AKR1B15: variants seen among roughly 807,000 people sequenced by gnomAD.
The protein encoded by AKR1B15 is estradiol 17-beta-dehydrogenase AKR1B15.
AKR1B15 carries 49 observed loss-of-function variants against 38.5 expected under a neutral mutation model. The observed-to-expected ratio is 1.27, with a 90% CI of 1.01 to 1.62. The LOEUF is 1.62. Ranked by LOEUF, AKR1B15 falls within the 40% of genes most tolerant of loss-of-function variation. The pLI is 0.00. For missense variants in AKR1B15, 411 were observed against 381.6 expected (o/e 1.08, Z -0.64); for synonymous variants, 137 against 135.5 (o/e 1.01, Z -0.08).
rs553498806 is a variant in AKR1B15, at chr7:134,564,558, C to T, written c.-22-40C>T. ...ATCTTGCTATTACTCACCTTTGGGC[C>T]CTGTATTTTTAACCTCCTTGTCAAA... On this transcript the variant is annotated intron_variant, in intron 2 of 11. Transcript: ENST00000457545. 5.6e-4 allele frequency: 371 copies of T among 662,804 alleles called. 2 individuals carry two copies. The highest frequency in any genetic ancestry group is 4.4e-5 in the Non-Finnish European group (16 of 365,070). 41.1% of individuals were successfully genotyped at this position (662,804 alleles called of 1,614,324 possible).
At chr7:134,560,599 G>A (rs1056177962) in intron 2 of AKR1B15, among the ~76,000 whole-genome samples, 5 of 152,112 alleles carry the variant, frequency 3.3e-5, no homozygotes, top group African/African-American at 1.2e-4. Flanking sequence ...GTTCTAGAAG[G>A]AATATTTTTA....
intron 1 of AKR1B15, among the ~76,000 whole-genome samples, chr7:134,553,056 C>A (rs1199412947): frequency 6.6e-6 from 1 of 152,050 alleles, no homozygotes; most frequent in African/African-American, 2.4e-5. Flanking sequence ...GAAGGCCCAG[C>A]TTTTTCTTCC....
rs185101898 is a variant in AKR1B15 at position 134,564,913 on chromosome 7, A to G, written c.150+144A>G. ...CTTTTCTGTCTAGCTAGAGGATTGT[A>G]AATGCACCAATCAGTGCTCTGTGTC... On this transcript the variant is annotated intron_variant, in intron 3 of 11. Transcript: ENST00000457545. 531 of 504,676 alleles carry G rather than the reference A, an allele frequency of 1.1e-3. 4 individuals carry two copies. In the Middle Eastern group the frequency reaches 0.012, roughly 11 times the overall value. 31.3% of individuals were successfully genotyped at this position (504,676 alleles called of 1,614,324 possible).
intron 6 of AKR1B15, chr7:134,573,397 G>A: frequency 1.0e-6 from 1 of 985,396 alleles, no homozygotes; most frequent in Non-Finnish European, 1.2e-6. Context: ...TGGCAAGTAT[G>A]TCAATGTACC....
rs751823205 is a variant in AKR1B15, at chr7:134,571,600, A to G, written c.436-4A>G. 15 of 1,611,770 alleles carry G rather than the reference A, an allele frequency of 9.3e-6. No individual in the cohort carries two copies. Among genetic ancestry groups the G allele is most frequent in the Non-Finnish European group, 1.2e-5 (14 of 1,178,180 alleles). Reference sequence around the variant, plus strand: ...CCAGTAAACTTTTCATTCTGTATTTACAGACTGGGGATGACTTTTTCCCCA... The same window carrying G: ...CCAGTAAACTTTTCATTCTGTATTTGCAGACTGGGGATGACTTTTTCCCCA... On this transcript the variant is annotated splice_polypyrimidine_tract_variant and splice_region_variant and intron_variant, in intron 5 of 11. Transcript: ENST00000457545.
intron 2 of AKR1B15, among the ~76,000 whole-genome samples, chr7:134,563,523 G>T (rs1418240968): frequency 3.3e-5 from 5 of 152,164 alleles, no homozygotes; most frequent in African/African-American, 1.2e-4. Flanking sequence ...ACTCCAGCCT[G>T]GGCATCAGAG....
Position 134,579,623 on chromosome 7 carries a change from C to A in AKR1B15, c.*74C>A. 1 of 1,350,914 alleles carries A rather than the reference C, an allele frequency of 7.4e-7. No individual in the cohort carries two copies. Among genetic ancestry groups the A allele is most frequent in the African/African-American group, 1.5e-5 (1 of 67,058 alleles). 83.7% of individuals were successfully genotyped at this position (1,350,914 alleles called of 1,614,324 possible). A position where few individuals can be genotyped will look rare whatever the true frequency, so the allele number is the denominator to read the frequency against. On this transcript the variant is annotated 3_prime_UTR_variant, in exon 12 of 12. Transcript: ENST00000457545. ...AAGTGTGACTGTCTCCACTCAAGAA[C>A]TATTTTAGCCAAGCTTATCTGAGAT...
At chr7:134,575,711 C>T (rs2347379) in intron 7 of AKR1B15, 110 bp from the exon 8 acceptor site, 9 of 1,585,172 alleles carry the variant, frequency 5.7e-6, no homozygotes, top group East Asian at 4.5e-5. Context: ...AATCTCAGTG[C>T]GCACTTGTTT....
intron 1 of AKR1B15, among the ~76,000 whole-genome samples, chr7:134,549,548 A>G (rs1793893078): frequency 6.6e-6 from 1 of 152,152 alleles, no homozygotes; most frequent in Admixed American, 6.5e-5. Context: ...CTCCAGGGTG[A>G]AAGCTAGGGA....
At chr7:134,565,965 G>A (rs966391397) in intron 3 of AKR1B15, among the ~76,000 whole-genome samples, 13 of 152,130 alleles carry the variant, frequency 8.5e-5, no homozygotes, top group African/African-American at 2.9e-4. Context: ...TGGGACTTGG[G>A]CTAGCAGCAT....
rs1454986315 is a variant in AKR1B15 at position 134,556,850 on chromosome 7, A to G, written c.-32A>G. On this transcript the variant is annotated 5_prime_UTR_variant, in exon 2 of 12. Transcript: ENST00000457545. ...AAGGAGAAACTGGACTAATATCACT[A>G]TCTCAACAGGTAGATGCTGATTTAA... The G allele has an allele frequency of 6.6e-6, 1 of 152,196 alleles. No individual in the cohort carries two copies. Among genetic ancestry groups the G allele is most frequent in the African/African-American group, 2.4e-5 (1 of 41,440 alleles). The allele number at this position is 152,196 out of a possible 1,614,324, so 9.4% of individuals were successfully genotyped here.
chr7:134,566,572 C>T (rs1435328649), intron 3 of AKR1B15, among the ~76,000 whole-genome samples: 1 of 152,190 alleles, frequency 6.6e-6, no homozygotes, highest in Non-Finnish European at 1.5e-5. Flanking sequence ...CTGCCTCCCT[C>T]TGCCTTCTTT....
intron 9 of AKR1B15, 139 bp downstream of exon 9, chr7:134,576,569 T>C: frequency 9.6e-7 from 1 of 1,036,406 alleles, no homozygotes; most frequent in South Asian, 1.6e-5. Flanking sequence ...TCCTTTGAAG[T>C]CTGTTGGAAC....
intron 2 of AKR1B15, among the ~76,000 whole-genome samples, chr7:134,561,433 T>C (rs1794388068): frequency 2.0e-5 from 3 of 152,314 alleles, no homozygotes; most frequent in South Asian, 4.2e-4. Context: ...TTTCAAACAC[T>C]TGAGCTCAAG....
chr7:134,565,269 C>T (rs920096218), intron 3 of AKR1B15: 29 of 739,716 alleles, frequency 3.9e-5, no homozygotes, highest in Non-Finnish European at 5.9e-5. Context: ...GTCAGCGACA[C>T]CACAAACCCA....
intron 2 of AKR1B15, among the ~76,000 whole-genome samples, chr7:134,562,895 T>TTTCTTTCTTTCTTTCTTCCC (rs1562947153): frequency 7.1e-6 from 1 of 140,774 alleles, no homozygotes; most frequent in African/African-American, 2.8e-5. Flanking sequence ...TCTTTCCTTC[T>TTTCTTTCTTTCTTTCTTCCC]TTCTTCCTTC....
At chr7:134,564,215 C>T (rs1276671786) in intron 2 of AKR1B15, among the ~76,000 whole-genome samples, 2 of 152,178 alleles carry the variant, frequency 1.3e-5, no homozygotes, top group East Asian at 3.9e-4. Flanking sequence ...CTATCACACA[C>T]TCTCAAAGGA....
At chr7:134,575,706 C>T in intron 7 of AKR1B15, 115 bp from the exon 8 acceptor site, 1 of 1,584,396 alleles carries the variant, frequency 6.3e-7, no homozygotes, top group South Asian at 1.2e-5. Flanking sequence ...GCAAGAATCT[C>T]AGTGCGCACT....
intron 11 of AKR1B15, 115 bp downstream of exon 11, chr7:134,577,901 T>C (rs1794800370): frequency 8.1e-7 from 1 of 1,235,300 alleles, no homozygotes; most frequent in Non-Finnish European, 1.1e-6. Flanking sequence ...AATACTATTT[T>C]GGGGCAGTTT....
Sources: allele counts gnomAD v4.1 joint callset (sites outside exome capture counted in the v4.1 genomes callset), GRCh38; gene constraint gnomAD v4.1.1; transcripts MANE v1.5; gene names NCBI Gene and HGNC (gene_info 2026-07-23, HGNC 2026-07-21).